The following MEI1 variants were observed in gnomAD, a reference collection of about 807,000 sequenced individuals.
MEI1 encodes the protein meiosis inhibitor protein 1.
MEI1 carries 103 observed loss-of-function variants against 146.2 expected under a neutral mutation model. That is an observed-to-expected ratio of 0.70 (90% CI 0.60 to 0.83). MEI1 has a LOEUF of 0.83. MEI1 is among the 40% of genes least tolerant of loss of function. The pLI, the probability that MEI1 is intolerant of heterozygous loss-of-function variation, is 0.00. For missense variants in MEI1, 1,529 were observed against 1,533.0 expected (o/e 1.00, Z 0.04); for synonymous variants, 652 against 628.2 (o/e 1.04, Z -0.57).
At chr22:41,788,460 A>G (rs1380445906) in intron 26 of MEI1, among the ~76,000 whole-genome samples, 2 of 151,158 alleles carry the variant, frequency 1.3e-5, no homozygotes. Context: ...GTTTTTTTTG[A>G]GACATAGTCT....
chr22:41,706,654 CAG>C (rs1226046448), intron 3 of MEI1, among the ~76,000 whole-genome samples: 1 of 151,140 alleles, frequency 6.6e-6, no homozygotes, highest in Admixed American at 6.6e-5. Flanking sequence ...TTTGAGGTGA[CAG>C]TGAGCTATGA....
intron 17 of MEI1, among the ~76,000 whole-genome samples, chr22:41,756,174 C>A (rs554323401): frequency 6.6e-6 from 1 of 152,164 alleles, no homozygotes; most frequent in South Asian, 2.1e-4. Context: ...GAGTCTCAGT[C>A]TGTTGCCCAG....
chr22:41,729,910 A>G, intron 8 of MEI1, 131 bp downstream of exon 8: 2 of 604,634 alleles, frequency 3.3e-6, no homozygotes, highest in South Asian at 2.7e-5. Context: ...GATTTCTTGT[A>G]TGACCTTGAG....
chr22:41,776,221 G>A lies in MEI1; in HGVS notation c.2664G>A (p.Leu888=), dbSNP rs769386555. The change falls in exon 21 of 31, where the codon CTG becomes CTA. Residue 888 remains leucine (L), a synonymous_variant. Coordinates refer to ENST00000401548, the MANE Select transcript of MEI1 (RefSeq NM_152513.4). ...VGGLIRGHFL[L]ILQRLLVEHG... is the part of the protein sequence containing the mutation. The stretch of plus-strand genomic sequence containing the variant: ...GTCTTATCCGAGGCCACTTCCTGCT[G>A]ATCCTGCAGCGTCTGCTAGTGGAGC... 3 of 1,613,948 alleles carry A rather than the reference G, an allele frequency of 1.9e-6. No homozygotes were observed. The highest frequency in any genetic ancestry group is 2.2e-5 in the South Asian group (2 of 91,086).
At chr22:41,746,289 C>CT (rs1472943395) in intron 14 of MEI1, among the ~76,000 whole-genome samples, 2 of 152,180 alleles carry the variant, frequency 1.3e-5, no homozygotes, top group East Asian at 3.9e-4. Flanking sequence ...TGGAAAGTGC[C>CT]TAATATTCAC....
At chr22:41,706,089 G>A (rs2069074514) in intron 3 of MEI1, among the ~76,000 whole-genome samples, 1 of 152,046 alleles carries the variant, frequency 6.6e-6, no homozygotes, top group Non-Finnish European at 1.5e-5. Context: ...TACAATCATA[G>A]CTCACTGCAG....
At chr22:41,794,802 C>T (rs565208009) in intron 28 of MEI1, among the ~76,000 whole-genome samples, 2 of 152,188 alleles carry the variant, frequency 1.3e-5, no homozygotes, top group African/African-American at 2.4e-5. Flanking sequence ...CTAAAGAGGA[C>T]GACAGACAAG....
chr22:41,785,443 T>C (rs982917086), intron 26 of MEI1, among the ~76,000 whole-genome samples: 7 of 150,000 alleles, frequency 4.7e-5, no homozygotes, highest in Admixed American at 2.0e-4. Context: ...TTTGTATTTT[T>C]AGTAGAGAAA....
In MEI1 at chr22:41,799,447, C is replaced by A. The variant is rs1439217841; in HGVS notation, c.*148C>A. 4.1e-6 allele frequency: 3 copies of A among 724,260 alleles called. No homozygotes were observed. Among genetic ancestry groups the A allele is most frequent in the South Asian group, 3.5e-5 (2 of 57,474 alleles). 44.9% of individuals were successfully genotyped at this position (724,260 alleles called of 1,614,324 possible). A position where few individuals can be genotyped will look rare whatever the true frequency, so the allele number is the denominator to read the frequency against. ...AATAGAATAAGGAAATAAAATGATA[C>A]ACTCACATACCTGCGCGAGCTCTCC... On this transcript the variant is annotated 3_prime_UTR_variant, in exon 31 of 31. Coordinates refer to ENST00000401548, the MANE Select transcript of MEI1 (RefSeq NM_152513.4).
intron 5 of MEI1, among the ~76,000 whole-genome samples, chr22:41,716,582 G>A (rs536076740): frequency 1.5e-4 from 23 of 151,128 alleles, no homozygotes; most frequent in African/African-American, 5.6e-4. Flanking sequence ...CTCCATGTTG[G>A]TCAGGCTGGT....
chr22:41,773,964 G>T (rs1057064049), intron 20 of MEI1, among the ~76,000 whole-genome samples: 3 of 152,190 alleles, frequency 2.0e-5, no homozygotes, highest in African/African-American at 7.2e-5. Context: ...CCAGCTTCTA[G>T]CCAGAGGAAG....
chr22:41,703,303 T>C (rs747916240), intron 1 of MEI1, 28 bp from the exon 2 acceptor site: 1 of 1,607,204 alleles, frequency 6.2e-7, no homozygotes, highest in East Asian at 2.2e-5. Flanking sequence ...TTGGTTGCTA[T>C]TGAATGTTTT....
intron 1 of MEI1, among the ~76,000 whole-genome samples, chr22:41,700,939 CTT>C (rs530432136): frequency 2.1e-4 from 27 of 129,540 alleles, no homozygotes; most frequent in Admixed American, 3.9e-4. Context: ...TTCTTTCTTT[CTT>C]TTTTTTTTTT....
intron 3 of MEI1, among the ~76,000 whole-genome samples, chr22:41,707,628 G>C (rs1214994584): frequency 6.6e-6 from 1 of 152,082 alleles, no homozygotes; most frequent in Non-Finnish European, 1.5e-5. Flanking sequence ...GGGCAACATA[G>C]CAAGACTGTC....
At chr22:41,791,714 C>G (rs772916047) in intron 26 of MEI1, among the ~76,000 whole-genome samples, 28 of 152,144 alleles carry the variant, frequency 1.8e-4, no homozygotes, top group Non-Finnish European at 2.5e-4. Context: ...CATAGCAGCA[C>G]TATTCATAAT....
intron 2 of MEI1, 140 bp from the exon 3 acceptor site, chr22:41,705,364 G>A (rs2069008735): frequency 2.7e-6 from 2 of 729,238 alleles, no homozygotes; most frequent in South Asian, 1.5e-5. Flanking sequence ...TAGAGAGAGG[G>A]TTTCGCCATA....
In MEI1 at chr22:41,745,898, T is replaced by C; in HGVS notation, c.1552T>C (p.Phe518Leu). 1 of 1,610,462 alleles carries C rather than the reference T, an allele frequency of 6.2e-7. No homozygotes were observed. The highest frequency in any genetic ancestry group is 8.5e-7 in the Non-Finnish European group (1 of 1,177,288). Residue 518 changes from phenylalanine (F) to leucine (L), a missense_variant, in exon 14 of 31, where the codon TTC (phenylalanine) becomes CTC (leucine). This residue lies in a region of MEI1 where 1,212 missense variants were observed against 1,178.9 expected (regional missense o/e 1.03). Transcript: ENST00000401548. The part of the protein sequence containing the change: ...FRSACRLAIE[F>L]QSEPSAQENP... ...TTGATTTCTTAGGTTGGCTATAGAA[T>C]TCCAGAGTGAGCCTTCAGCCCAGGA... is the stretch of plus-strand genomic sequence containing the variant.
At chr22:41,711,906 T>C (rs1344276383) in intron 3 of MEI1, among the ~76,000 whole-genome samples, 2 of 151,686 alleles carry the variant, frequency 1.3e-5, no homozygotes, top group Non-Finnish European at 2.9e-5. Context: ...ATAGTAGAGA[T>C]AATATAAAAT....
intron 30 of MEI1, among the ~76,000 whole-genome samples, chr22:41,797,753 TACAAA>T (rs1395224896): frequency 6.6e-6 from 1 of 152,054 alleles, no homozygotes; most frequent in Admixed American, 6.6e-5. Flanking sequence ...AAATCTGAAA[TACAAA>T]ACACTTCTGG....
Sources: gnomAD v4.1 joint callset for allele counts (sites outside exome capture counted in the v4.1 genomes callset) on GRCh38, gnomAD v4.1.1 for gene constraint, gnomAD v4.1.1 regional missense constraint, MANE v1.5 for transcripts, NCBI Gene and HGNC (gene_info 2026-07-23, HGNC 2026-07-21) for gene names.